The following CNTN5 variants were observed in gnomAD, a reference collection of about 807,000 sequenced individuals.
CNTN5 encodes contactin 5, also known as contactin-5.
CNTN5 carries 77 observed loss-of-function variants against 129.1 expected under a neutral mutation model. The ratio of observed to expected loss-of-function variants is 0.60; its 90% confidence interval spans 0.50 to 0.72. CNTN5 has a LOEUF of 0.72. CNTN5 is among the 30% of genes least tolerant of loss of function. The probability of loss-of-function intolerance (pLI) is 0.00; values close to 1 mark genes in which losing one functional copy is unlikely to be tolerated. For missense variants in CNTN5, 1,478 were observed against 1,328.8 expected (o/e 1.11, Z -1.75); for synonymous variants, 509 against 465.6 (o/e 1.09, Z -1.20).
chr11:100,298,118 A>G (rs1297336005), intron 19 of CNTN5, among the ~76,000 whole-genome samples: 1 of 151,394 alleles, frequency 6.6e-6, no homozygotes. Context: ...TTGATGTTAA[A>G]TAACCTTATT....
intron 21 of CNTN5, among the ~76,000 whole-genome samples, chr11:100,323,595 C>T (rs552580511): frequency 6.6e-6 from 1 of 151,924 alleles, no homozygotes; most frequent in Non-Finnish European, 1.5e-5. Flanking sequence ...TCTGTAAGAT[C>T]TGTGGGATAT....
intron 6 of CNTN5, among the ~76,000 whole-genome samples, chr11:99,849,455 G>A (rs1260170643): frequency 2.6e-5 from 4 of 151,736 alleles, no homozygotes; most frequent in South Asian, 4.2e-4. Flanking sequence ...ATTTTAAAAT[G>A]TTCTGCCTTT....
At chr11:100,128,691 C>T (rs1410337706) in intron 13 of CNTN5, among the ~76,000 whole-genome samples, 1 of 151,944 alleles carries the variant, frequency 6.6e-6, no homozygotes, top group African/African-American at 2.4e-5. Context: ...TGTGTGTAGC[C>T]TCTAGAGGCT....
chr11:99,429,769 A>G (rs1373913365), intron 2 of CNTN5, among the ~76,000 whole-genome samples: 1 of 152,048 alleles, frequency 6.6e-6, no homozygotes, highest in Non-Finnish European at 1.5e-5. Flanking sequence ...TTTACAGTAC[A>G]CTTTGTTACT....
chr11:99,747,244 T>C (rs767544385), intron 3 of CNTN5, among the ~76,000 whole-genome samples: 12 of 152,226 alleles, frequency 7.9e-5, no homozygotes, highest in Non-Finnish European at 1.8e-4. Context: ...GAAGTACTAC[T>C]GATTTTTGTA....
At chr11:100,153,304 T>G (rs949891707) in intron 13 of CNTN5, among the ~76,000 whole-genome samples, 12 of 152,146 alleles carry the variant, frequency 7.9e-5, no homozygotes, top group African/African-American at 2.9e-4. Flanking sequence ...TGTTGAATTT[T>G]TTTACGATTT....
At chr11:100,029,480 G>A (rs915795027) in intron 9 of CNTN5, among the ~76,000 whole-genome samples, 3 of 152,110 alleles carry the variant, frequency 2.0e-5, no homozygotes, top group East Asian at 3.9e-4. Context: ...CTACTCGGGA[G>A]GCTGAGGCAG....
intron 6 of CNTN5, among the ~76,000 whole-genome samples, chr11:99,892,083 T>C (rs1166540960): frequency 6.6e-6 from 1 of 152,146 alleles, no homozygotes; most frequent in African/African-American, 2.4e-5. Context: ...AATGTAATGA[T>C]GAGCTTTTCT....
chr11:99,252,769 C>A (rs1862177805), intron 1 of CNTN5, among the ~76,000 whole-genome samples: 1 of 151,950 alleles, frequency 6.6e-6, no homozygotes, highest in Admixed American at 6.6e-5. Context: ...AAAGTTTTTA[C>A]TGAATTGATA....
intron 6 of CNTN5, among the ~76,000 whole-genome samples, chr11:99,860,248 ACT>A (rs1485367074): frequency 6.6e-6 from 1 of 150,822 alleles, no homozygotes; most frequent in Non-Finnish European, 1.5e-5. Context: ...ATTTTCTCTG[ACT>A]CTGTAGGTTT....
intron 3 of CNTN5, among the ~76,000 whole-genome samples, chr11:99,808,737 C>T (rs1025441466): frequency 3.3e-5 from 5 of 152,192 alleles, no homozygotes; most frequent in Non-Finnish European, 5.9e-5. Flanking sequence ...CGCCAAAGCT[C>T]GATTCAAATT....
chr11:99,359,316 C>T (rs962021335), intron 2 of CNTN5, among the ~76,000 whole-genome samples: 95 of 152,176 alleles, frequency 6.2e-4, no homozygotes, highest in African/African-American at 2.1e-3. Flanking sequence ...TTCCCTCAAA[C>T]CCTTTTTCTA....
intron 4 of CNTN5, among the ~76,000 whole-genome samples, chr11:99,825,654 G>A (rs1946930721): frequency 1.3e-5 from 2 of 151,970 alleles, no homozygotes; most frequent in African/African-American, 4.8e-5. Flanking sequence ...AGTGATAGAT[G>A]GTTTTGGAAA....
chr11:99,103,592 G>C (rs910869697), intron 1 of CNTN5, among the ~76,000 whole-genome samples: 1 of 152,124 alleles, frequency 6.6e-6, no homozygotes, highest in Non-Finnish European at 1.5e-5. Flanking sequence ...TCCCAGTGTA[G>C]TGAGTTGAAT....
At chr11:99,777,762 CAAT>C (rs1056921211) in intron 3 of CNTN5, among the ~76,000 whole-genome samples, 8 of 151,672 alleles carry the variant, frequency 5.3e-5, no homozygotes, top group Non-Finnish European at 1.2e-4. Context: ...AATTGAGTAA[CAAT>C]AATAGTGCTA....
intron 2 of CNTN5, among the ~76,000 whole-genome samples, chr11:99,365,956 T>A (rs11219625): frequency 0.032 from 4,919 of 152,188 alleles, 269 homozygotes; most frequent in African/African-American, 0.11. Context: ...ATTATTTTCT[T>A]TCAGGATCAG....
At chr11:99,713,158 C>T (rs1770150371) in intron 3 of CNTN5, among the ~76,000 whole-genome samples, 1 of 151,944 alleles carries the variant, frequency 6.6e-6, no homozygotes, top group Admixed American at 6.6e-5. Context: ...TCTTTGATTT[C>T]CTTGAGCAGT....
intron 3 of CNTN5, among the ~76,000 whole-genome samples, chr11:99,658,564 G>T (rs1591436388): frequency 6.6e-6 from 1 of 151,988 alleles, no homozygotes; most frequent in Admixed American, 6.6e-5. Flanking sequence ...CTTATTTACT[G>T]CTTCCGAAAA....
chr11:99,778,551 G>A (rs1227753254), intron 3 of CNTN5, among the ~76,000 whole-genome samples: 1 of 151,630 alleles, frequency 6.6e-6, no homozygotes, highest in Admixed American at 6.6e-5. Context: ...ACAAGTACGT[G>A]CCCTGTTGAA....
Sources: allele counts gnomAD v4.1 joint callset (sites outside exome capture counted in the v4.1 genomes callset), GRCh38; gene constraint gnomAD v4.1.1; transcripts MANE v1.5; gene names NCBI Gene and HGNC (gene_info 2026-07-23, HGNC 2026-07-21).